Variants in PUS7 observed in about 807,000 individuals in gnomAD.
PUS7 encodes the protein pseudouridylate synthase 7 homolog.
In PUS7, 48 loss-of-function variants were observed where a neutral mutation model predicts 79.8. The ratio of observed to expected loss-of-function variants is 0.60; its 90% CI spans 0.48 to 0.76. The LOEUF is 0.76. PUS7 is among the 30% of genes least tolerant of loss of function. The pLI is 0.00. For synonymous variants in PUS7, 286 were observed against 272.2 expected (o/e 1.05, Z -0.50); for missense variants, 729 against 797.6 (o/e 0.91, Z 1.04).
chr7:105,458,960 C>CATCT (rs1283363529), intron 15 of PUS7, among the ~76,000 whole-genome samples: 1 of 152,138 alleles, frequency 6.6e-6, no homozygotes, highest in Non-Finnish European at 1.5e-5. Flanking sequence ...ATATCACAAC[C>CATCT]ATCTATAACA....
intron 1 of PUS7, among the ~76,000 whole-genome samples, chr7:105,510,173 G>A (rs1232629734): frequency 1.3e-5 from 2 of 152,040 alleles, no homozygotes; most frequent in African/African-American, 2.4e-5. Flanking sequence ...GGTGGCACAT[G>A]CCTGTAATCC....
chr7:105,468,241 CTT>C, intron 12 of PUS7, 94 bp downstream of exon 12: 2 of 1,497,600 alleles, frequency 1.3e-6, no homozygotes, highest in Non-Finnish European at 1.8e-6. Context: ...CCACATCTCT[CTT>C]TCTTAATTAA....
intron 8 of PUS7, 78 bp from the exon 9 acceptor site, chr7:105,481,255 C>A: frequency 7.5e-7 from 1 of 1,333,932 alleles, no homozygotes; most frequent in South Asian, 1.7e-5. Context: ...ATGACTACGG[C>A]CTGGCTTCCA....
chr7:105,497,015 A>C, intron 5 of PUS7: 1 of 1,175,764 alleles, frequency 8.5e-7, no homozygotes, highest in South Asian at 1.6e-5. Context: ...AGCAATGTTT[A>C]ATTTATAATA....
intron 7 of PUS7, among the ~76,000 whole-genome samples, chr7:105,488,310 T>A (rs1221981507): frequency 3.9e-5 from 6 of 152,064 alleles, no homozygotes; most frequent in Non-Finnish European, 8.8e-5. Flanking sequence ...CCTGTCCCCA[T>A]CATAACACCA....
chr7:105,516,751 GGA>G (rs1825911712), intron 1 of PUS7, among the ~76,000 whole-genome samples: 1 of 152,012 alleles, frequency 6.6e-6, no homozygotes, highest in Non-Finnish European at 1.5e-5. Context: ...CAGTGCGCCC[GGA>G]CTGGAATATA....
At chr7:105,467,359 G>T (rs113549867) in intron 12 of PUS7, among the ~76,000 whole-genome samples, 122 of 149,764 alleles carry the variant, frequency 8.1e-4, no homozygotes, top group African/African-American at 2.9e-3. Flanking sequence ...GTGTGATCTC[G>T]GCTCACTGCA....
rs971513213 is a variant in PUS7, at chr7:105,514,001, A to G, written c.-32-5457T>C. The stretch of plus-strand genomic sequence containing the variant: ...GCCAAGGCAGGTGGATCGCCAAGGC[A>G]GGCCGGATCACGAAGTCAGGAGATC... On this transcript the variant is annotated intron_variant, in intron 1 of 15. Coordinates refer to ENST00000469408, the MANE Select transcript of PUS7 (RefSeq NM_019042.5). Among the ~76,000 whole-genome samples, 5 of 137,594 alleles carry G rather than the reference A, an allele frequency of 3.6e-5. 1 individual carries two copies. Among genetic ancestry groups the G allele is most frequent in the Admixed American group, 3.0e-4 (4 of 13,212 alleles). 90.3% of individuals were successfully genotyped at this position (137,594 alleles called of 152,430 possible).
At position 105,495,775 on chromosome 7, in the gene PUS7, TTA is replaced by T. The variant is rs1007299372; in HGVS notation, c.731-524_731-523del. On this transcript the variant is annotated intron_variant, in intron 5 of 15. Transcript: ENST00000469408. ...ATAAATAAAAGAAAAACATTTTTAATTAAAAAAAAGAACATAAAAAAATTAAG... is the reference window on the plus strand; with the variant it reads ...ATAAATAAAAGAAAAACATTTTTAATAAAAAAAGAACATAAAAAAATTAAG... Among the ~76,000 whole-genome samples, 41 of 151,964 alleles carry T rather than the reference TTA, an allele frequency of 2.7e-4. 1 individual carries two copies. The highest frequency in any genetic ancestry group is 2.4e-3 in the Admixed American group (36 of 15,238).
intron 6 of PUS7, among the ~76,000 whole-genome samples, chr7:105,492,801 C>A (rs1824851652): frequency 1.3e-5 from 2 of 152,138 alleles, no homozygotes; most frequent in South Asian, 4.1e-4. Flanking sequence ...GCCACCGCGC[C>A]CGGCCGATTT....
intron 7 of PUS7, among the ~76,000 whole-genome samples, chr7:105,489,919 G>A (rs961444131): frequency 6.6e-6 from 1 of 152,090 alleles, no homozygotes; most frequent in African/African-American, 2.4e-5. Flanking sequence ...AGGAGTTCAA[G>A]ACCAGCCTGG....
intron 7 of PUS7, among the ~76,000 whole-genome samples, chr7:105,490,141 A>G (rs890002781): frequency 6.6e-6 from 1 of 152,046 alleles, no homozygotes; most frequent in African/African-American, 2.4e-5. Context: ...CCGAGAAACC[A>G]AAATAAATAC....
intron 1 of PUS7, among the ~76,000 whole-genome samples, chr7:105,516,975 T>C (rs1375557516): frequency 1.3e-5 from 2 of 152,072 alleles, no homozygotes; most frequent in African/African-American, 4.8e-5. Context: ...AGAGGGCAGT[T>C]TTATGCATTT....
rs1211582674 is a variant in PUS7, at chr7:105,465,443, A to G, written c.1526-29T>C. On this transcript the variant is annotated intron_variant, in intron 12 of 15. Transcript: ENST00000469408. The stretch of plus-strand genomic sequence containing the variant: ...TAAATTCACAAGTGAACAATAAATT[A>G]AGAAAATAGGCAATATTGTTATGAA... 2.7e-6 allele frequency: 4 copies of G among 1,465,542 alleles called. No individual in the cohort carries two copies. The Admixed American group carries it at 5.1e-5, about 19-fold the overall frequency. 90.8% of individuals were successfully genotyped at this position (1,465,542 alleles called of 1,614,324 possible).
intron 6 of PUS7, among the ~76,000 whole-genome samples, chr7:105,492,537 G>A (rs1367595044): frequency 2.5e-5 from 3 of 118,202 alleles, no homozygotes; most frequent in Admixed American, 1.0e-4. Context: ...ACAGAGTCTC[G>A]CTCTGTCGCC....
In PUS7 at chr7:105,492,052, C is replaced by CAAAA. The variant is rs368940149; in HGVS notation, c.843-439_843-436dup. ...AGCCTGGGCCACAGAGACTCCGTCT[C>CAAAA]AAAAAAAAAAAAAAAAAAATCTACT... On this transcript the variant is annotated intron_variant, in intron 6 of 15. Transcript: ENST00000469408. Among the ~76,000 whole-genome samples the CAAAA allele has an allele frequency of 7.7e-5, 9 of 117,160 alleles. No homozygotes were observed. The South Asian group carries it at 1.5e-3, about 19-fold the overall frequency. The allele number at this position is 117,160 out of a possible 152,430, so 76.9% of individuals were successfully genotyped here.
chr7:105,509,182 C>T (rs1825603483), intron 1 of PUS7, among the ~76,000 whole-genome samples: 1 of 28,826 alleles, frequency 3.5e-5, no homozygotes, highest in South Asian at 2.5e-3. Context: ...AAGACTCCAT[C>T]TCAAAAAAAA....
chr7:105,476,858 T>C (rs1824133324), intron 9 of PUS7, among the ~76,000 whole-genome samples: 1 of 152,220 alleles, frequency 6.6e-6, no homozygotes, highest in African/African-American at 2.4e-5. Flanking sequence ...TAATGACTAG[T>C]GATGTTGAAC....
intron 14 of PUS7, 45 bp downstream of exon 14, chr7:105,462,576 C>T: frequency 6.2e-7 from 1 of 1,605,356 alleles, no homozygotes; most frequent in Non-Finnish European, 8.5e-7. Flanking sequence ...AAGCTTACAA[C>T]TTATATGGTA....
Sources: allele counts gnomAD v4.1 joint callset (sites outside exome capture counted in the v4.1 genomes callset), GRCh38; gene constraint gnomAD v4.1.1; transcripts MANE v1.5; gene names NCBI Gene and HGNC (gene_info 2026-07-23, HGNC 2026-07-21).